The following ACSL5 variants were observed in gnomAD, a reference collection of about 807,000 sequenced individuals.
The protein encoded by ACSL5 is acyl-CoA synthetase long chain family member 5, also known as long-chain-fatty-acid--CoA ligase 5.
A neutral mutation model predicts 84.9 loss-of-function variants in ACSL5; 50 were observed. The ratio of observed to expected loss-of-function variants is 0.59; its 90% CI spans 0.47 to 0.75. The LOEUF is 0.75. Ranked by LOEUF, ACSL5 falls within the 30% of genes least tolerant of loss-of-function variation. ACSL5 has a pLI of 0.00. For synonymous variants in ACSL5, 280 were observed against 300.7 expected, an observed-to-expected ratio of 0.93 and a Z score of 0.71; for missense variants, 775 against 830.4, an observed-to-expected ratio of 0.93 and a Z score of 0.82.
chr10:112,426,735 C>T, intron 19 of ACSL5, 53 bp from the exon 20 acceptor site: 1 of 1,527,294 alleles, frequency 6.5e-7, no homozygotes. Context: ...TCATGCTTAG[C>T]CCTTCAGGCT....
rs1844171049 is a variant in ACSL5 at position 112,411,328 on chromosome 10, A to G, written c.797-128A>G. ...AACAGAGGCATATACCATCCACAAA[A>G]AGACACAGTGACAGGAAATGCTCTT... On this transcript the variant is annotated intron_variant, in intron 9 of 20. Transcript: ENST00000354655. The G allele has an allele frequency of 8.0e-6, 6 of 748,160 alleles. No homozygotes were observed. In the South Asian group the frequency reaches 1.0e-4, roughly 13 times the overall value. The allele number at this position is 748,160 out of a possible 1,614,324, so 46.3% of individuals were successfully genotyped here.
intron 1 of ACSL5, among the ~76,000 whole-genome samples, chr10:112,389,967 G>A (rs1012242468): frequency 3.3e-5 from 5 of 152,098 alleles, no homozygotes; most frequent in African/African-American, 7.2e-5. Context: ...AGTGGCTCAC[G>A]CCTGTAATCC....
Position 112,397,314 on chromosome 10 carries a change from T to C in ACSL5, c.157-1587T>C, listed in dbSNP as rs1260441614. Among the ~76,000 whole-genome samples the C allele has an allele frequency of 2.0e-5, 3 of 151,966 alleles. No individual in the cohort carries two copies. The East Asian group carries it at 5.8e-4, about 29-fold the overall frequency. ...CCTCTCGAGTAGCTGGGATTACAGG[T>C]GCCTGCCACCACACCCAGCTAATTT... On this transcript the variant is annotated intron_variant, in intron 2 of 20. Transcript: ENST00000354655.
At chr10:112,413,347 C>A in intron 12 of ACSL5, 40 bp downstream of exon 12, 1 of 1,610,954 alleles carries the variant, frequency 6.2e-7, no homozygotes, top group African/African-American at 1.3e-5. Flanking sequence ...GTGACTTGGG[C>A]CTGCACGAAG....
chr10:112,412,977 A>G (rs530192895), intron 11 of ACSL5, among the ~76,000 whole-genome samples, 196 bp from the exon 12 acceptor site: 1 of 152,174 alleles, frequency 6.6e-6, no homozygotes, highest in Admixed American at 6.5e-5. Context: ...GAAGGTTCTC[A>G]GAGTCCTGAA....
intron 2 of ACSL5, chr10:112,396,025 T>G (rs1182781640): frequency 1.3e-5 from 2 of 152,302 alleles, no homozygotes; most frequent in Non-Finnish European, 2.9e-5. Flanking sequence ...GTAGTTTGCT[T>G]ATCGATTTCC....
intron 13 of ACSL5, 134 bp from the exon 14 acceptor site, chr10:112,417,712 G>T: frequency 1.4e-6 from 1 of 730,136 alleles, no homozygotes; most frequent in East Asian, 2.5e-5. Context: ...TAAGTGCTTT[G>T]TAAATTAACG....
At chr10:112,396,900 A>C (rs1219570349) in intron 2 of ACSL5, among the ~76,000 whole-genome samples, 9 of 152,320 alleles carry the variant, frequency 5.9e-5, no homozygotes, top group African/African-American at 2.2e-4. Flanking sequence ...TGGCCCATGT[A>C]AATTTTCCCT....
intron 3 of ACSL5, among the ~76,000 whole-genome samples, chr10:112,402,297 C>T (rs1360970555): frequency 1.3e-5 from 2 of 152,158 alleles, no homozygotes; most frequent in Non-Finnish European, 2.9e-5. Context: ...CATTCATCAG[C>T]TCTACCACTT....
At chr10:112,383,463 A>G (rs1849389953) in intron 1 of ACSL5, among the ~76,000 whole-genome samples, 1 of 152,248 alleles carries the variant, frequency 6.6e-6, no homozygotes, top group Non-Finnish European at 1.5e-5. Context: ...GCTACTTGGA[A>G]TGAATATTGA....
At chr10:112,408,348 T>G (rs1844097834) in intron 5 of ACSL5, 74 bp from the exon 6 acceptor site, 2 of 935,634 alleles carry the variant, frequency 2.1e-6, no homozygotes, top group Admixed American at 2.1e-5. Flanking sequence ...CCAGACAGCA[T>G]TTGTTGGCTG....
intron 11 of ACSL5, 126 bp downstream of exon 11, chr10:112,412,105 G>A: frequency 6.1e-6 from 6 of 983,948 alleles, no homozygotes; most frequent in Non-Finnish European, 9.5e-6. Context: ...CAGGCAAGGA[G>A]TTGGCTCATG....
At chr10:112,421,053 C>G (rs751252680) in intron 14 of ACSL5, among the ~76,000 whole-genome samples, 1 of 152,060 alleles carries the variant, frequency 6.6e-6, no homozygotes, top group Non-Finnish European at 1.5e-5. Flanking sequence ...AAGTTCTATG[C>G]TTTGGTCTAT....
intron 1 of ACSL5, among the ~76,000 whole-genome samples, chr10:112,384,865 G>C (rs762745596): frequency 4.6e-5 from 7 of 152,084 alleles, no homozygotes; most frequent in African/African-American, 1.4e-4. Context: ...ACACAAATGC[G>C]TATATAATTC....
intron 3 of ACSL5, among the ~76,000 whole-genome samples, chr10:112,402,524 CCATGCTTCAGGGAAAGT>C (rs1843932967): frequency 6.6e-6 from 1 of 152,188 alleles, no homozygotes; most frequent in Non-Finnish European, 1.5e-5. Context: ...TCTGACAAAG[CCATGCTTCAGGGAAAGT>C]TAGTCTGAGA....
chr10:112,398,654 C>T (rs996094091), intron 2 of ACSL5, among the ~76,000 whole-genome samples: 8 of 152,190 alleles, frequency 5.3e-5, no homozygotes, highest in African/African-American at 1.7e-4. Context: ...ATCCACCCGC[C>T]TCAGCCTCCC....
chr10:112,399,758 A>G (rs1009510640), intron 3 of ACSL5, among the ~76,000 whole-genome samples: 1 of 152,256 alleles, frequency 6.6e-6, no homozygotes, highest in Non-Finnish European at 1.5e-5. Flanking sequence ...ATTCATAGCC[A>G]ACTCCTGTCA....
intron 1 of ACSL5, among the ~76,000 whole-genome samples, chr10:112,387,043 A>C (rs1340295774): frequency 6.6e-6 from 1 of 152,170 alleles, no homozygotes; most frequent in African/African-American, 2.4e-5. Flanking sequence ...ATATGACCAC[A>C]GATTTTTATG....
chr10:112,391,926 G>C (rs2133585884), intron 1 of ACSL5, among the ~76,000 whole-genome samples: 1 of 152,222 alleles, frequency 6.6e-6, no homozygotes, highest in Middle Eastern at 3.4e-3. Context: ...TGTATTACCA[G>C]TCAGGTTATT....
Sources: allele counts gnomAD v4.1 joint callset (sites outside exome capture counted in the v4.1 genomes callset), GRCh38; gene constraint gnomAD v4.1.1; transcripts MANE v1.5; gene names NCBI Gene and HGNC (gene_info 2026-07-23, HGNC 2026-07-21).